RNF150: variants seen among roughly 807,000 people sequenced by gnomAD.
The protein encoded by RNF150 is ring finger protein 150.
In RNF150, 24 loss-of-function variants were observed where a neutral mutation model predicts 39.3. The observed-to-expected ratio is 0.61, with a 90% CI of 0.44 to 0.86. The LOEUF is 0.86. RNF150 is among the 40% of genes least tolerant of loss of function. The pLI, the probability that RNF150 is intolerant of heterozygous loss-of-function variation, is 0.00. For synonymous variants in RNF150, 255 were observed against 227.3 expected, an observed-to-expected ratio of 1.12 and a Z score of -1.10; for missense variants, 502 against 587.8, an observed-to-expected ratio of 0.85 and a Z score of 1.51.
At chr4:141,071,603 A>G (rs910999554) in intron 1 of RNF150, among the ~76,000 whole-genome samples, 2 of 152,152 alleles carry the variant, frequency 1.3e-5, no homozygotes, top group Non-Finnish European at 2.9e-5. Context: ...AATATGGTAC[A>G]AATCTAAATA....
At chr4:141,200,582 A>T (rs994916340) in intron 1 of RNF150, among the ~76,000 whole-genome samples, 1 of 151,486 alleles carries the variant, frequency 6.6e-6, no homozygotes, top group Non-Finnish European at 1.5e-5. Flanking sequence ...CATCCTCATG[A>T]CCTAATTGCC....
At chr4:141,143,642 G>A (rs2033612) in intron 1 of RNF150, among the ~76,000 whole-genome samples, 120,664 of 152,186 alleles carry the variant, frequency 0.79, 48,082 homozygotes, top group East Asian at 1. Context: ...AAGTGAGCCT[G>A]TGCCTTTTCC....
At chr4:141,040,337 G>C (rs1174103625) in intron 1 of RNF150, among the ~76,000 whole-genome samples, 1 of 152,032 alleles carries the variant, frequency 6.6e-6, no homozygotes, top group Non-Finnish European at 1.5e-5. Context: ...CACATATTTG[G>C]TCAAGTACTA....
intron 1 of RNF150, among the ~76,000 whole-genome samples, chr4:141,005,088 A>G (rs1011785302): frequency 3.3e-5 from 5 of 152,118 alleles, no homozygotes; most frequent in African/African-American, 1.2e-4. Flanking sequence ...AGAATGAGGG[A>G]GCGGTTGTTG....
At chr4:141,077,316 C>T (rs553843805) in intron 1 of RNF150, among the ~76,000 whole-genome samples, 7 of 152,096 alleles carry the variant, frequency 4.6e-5, no homozygotes, top group South Asian at 2.1e-4. Flanking sequence ...AATACTACTC[C>T]GGAGTGAACT....
chr4:141,006,237 T>TGTATATATATACATACATATATAC (rs1042109825), intron 1 of RNF150, among the ~76,000 whole-genome samples: 19 of 51,522 alleles, frequency 3.7e-4, no homozygotes, highest in East Asian at 8.6e-4. Context: ...TATATGTGTA[T>TGTATATATATACATACATATATAC]GTATATATAT....
chr4:140,998,237 C>T (rs952128324), intron 1 of RNF150, among the ~76,000 whole-genome samples: 2 of 152,122 alleles, frequency 1.3e-5, no homozygotes, highest in Non-Finnish European at 2.9e-5. Context: ...TTATTGAAAG[C>T]CAAACACTCA....
intron 1 of RNF150, among the ~76,000 whole-genome samples, chr4:141,082,628 G>A (rs1051075128): frequency 3.3e-5 from 5 of 151,202 alleles, no homozygotes; most frequent in African/African-American, 9.7e-5. Context: ...TCGCTCTGTC[G>A]CCCAGGCTGG....
chr4:140,988,976 G>A (rs1247796639), intron 1 of RNF150, among the ~76,000 whole-genome samples: 2 of 152,048 alleles, frequency 1.3e-5, no homozygotes, highest in African/African-American at 4.8e-5. Flanking sequence ...ACACAGGAAG[G>A]GGAACATCAC....
intron 6 of RNF150, among the ~76,000 whole-genome samples, chr4:140,909,954 A>G (rs1453309532): frequency 6.6e-6 from 1 of 152,196 alleles, no homozygotes; most frequent in Non-Finnish European, 1.5e-5. Context: ...TCAATGTTCA[A>G]ATCCCATGGA....
chr4:140,948,685 C>A (rs1341084022), intron 3 of RNF150, among the ~76,000 whole-genome samples: 1 of 152,194 alleles, frequency 6.6e-6, no homozygotes, highest in Non-Finnish European at 1.5e-5. Context: ...AGTGATCTAC[C>A]TACCTTGGCC....
chr4:140,948,615 A>T (rs1045564718), intron 3 of RNF150, among the ~76,000 whole-genome samples: 4 of 152,074 alleles, frequency 2.6e-5, no homozygotes, highest in African/African-American at 7.2e-5. Context: ...TTAAAAAAAA[A>T]TTTTATAGAG....
intron 1 of RNF150, among the ~76,000 whole-genome samples, chr4:141,120,567 A>C (rs1726574778): frequency 6.6e-6 from 1 of 152,022 alleles, no homozygotes; most frequent in South Asian, 2.1e-4. Context: ...TGGCTACTAG[A>C]CTTTCTTGTT....
rs58742685 is a variant in RNF150 at position 140,875,163 on chromosome 4, GTT to G, written c.1199-6786_1199-6785del. On this transcript the variant is annotated intron_variant, in intron 6 of 6. Coordinates refer to ENST00000515673, the MANE Select transcript of RNF150 (RefSeq NM_020724.2). Reference sequence around the variant, plus strand: ...AGTCCATGAACTTGACAATCATTACGTTTTTTTTTTTTTTTTTTGGTGAGTGA... The same window carrying G: ...AGTCCATGAACTTGACAATCATTACGTTTTTTTTTTTTTTTTGGTGAGTGA... 6.3e-3 allele frequency among the ~76,000 whole-genome samples: 767 copies of G among 122,546 alleles called. 4 individuals are homozygous for G. Among genetic ancestry groups the G allele is most frequent in the African/African-American group, 0.02 (667 of 33,018 alleles). The allele number at this position is 122,546 out of a possible 152,430, so 80.4% of individuals were successfully genotyped here. A position where few individuals can be genotyped will look rare whatever the true frequency, so the allele number is the denominator to read the frequency against.
intron 1 of RNF150, among the ~76,000 whole-genome samples, chr4:141,154,176 A>G (rs1727345698): frequency 6.6e-6 from 1 of 152,220 alleles, no homozygotes; most frequent in Admixed American, 6.5e-5. Flanking sequence ...AGTAAACAAC[A>G]GGAGGAGCTC....
chr4:140,964,013 T>C (rs1029428744), intron 2 of RNF150, among the ~76,000 whole-genome samples: 1 of 151,984 alleles, frequency 6.6e-6, no homozygotes, highest in African/African-American at 2.4e-5. Flanking sequence ...AAATACACAA[T>C]GAAGAGAAAT....
Position 141,057,412 on chromosome 4 carries a change from A to C in RNF150, c.484+74913T>G, listed in dbSNP as rs115050087. Reference sequence around the variant, plus strand: ...GGTTCATGGTGTTACTTCTTTTAAAAAATTAAGTTTTTGGTGTACAGATTG... The same window carrying C: ...GGTTCATGGTGTTACTTCTTTTAAACAATTAAGTTTTTGGTGTACAGATTG... On this transcript the variant is annotated intron_variant, in intron 1 of 6. Coordinates refer to ENST00000515673, the MANE Select transcript of RNF150 (RefSeq NM_020724.2). Among the ~76,000 whole-genome samples the C allele has an allele frequency of 2.7e-3, 411 of 152,164 alleles. 2 individuals are homozygous for C. The highest frequency in any genetic ancestry group is 9.4e-3 in the African/African-American group (392 of 41,554).
chr4:141,178,251 T>C (rs2111183678), intron 1 of RNF150, among the ~76,000 whole-genome samples: 1 of 152,238 alleles, frequency 6.6e-6, no homozygotes, highest in Admixed American at 6.5e-5. Context: ...TGTATGTGTG[T>C]GTGTGTGTGT....
chr4:140,875,382 G>T (rs1019609472), intron 6 of RNF150, among the ~76,000 whole-genome samples: 3 of 151,964 alleles, frequency 2.0e-5, no homozygotes, highest in African/African-American at 7.3e-5. Flanking sequence ...TCACGATGTT[G>T]CCCAGGCTGG....
Sources: gnomAD v4.1 joint callset for allele counts (sites outside exome capture counted in the v4.1 genomes callset) on GRCh38, gnomAD v4.1.1 for gene constraint, MANE v1.5 for transcripts, NCBI Gene and HGNC (gene_info 2026-07-23, HGNC 2026-07-21) for gene names.